The following FSTL5 variants were observed in gnomAD, a reference collection of about 807,000 sequenced individuals.
FSTL5 encodes the protein follistatin-related protein 5.
Under a neutral mutation model 89.1 loss-of-function variants are expected in FSTL5, and 62 were observed. The observed-to-expected ratio is 0.70, with a 90% CI of 0.57 to 0.86. The LOEUF (loss-of-function observed/expected upper bound fraction) is 0.86. Among genes scored for constraint, FSTL5 ranks in the 40% least tolerant of loss-of-function variants. FSTL5 has a pLI of 0.00. For synonymous variants in FSTL5, 383 were observed against 346.2 expected, an observed-to-expected ratio of 1.11 and a Z score of -1.18; for missense variants, 1,057 against 1,001.6, an observed-to-expected ratio of 1.06 and a Z score of -0.75.
intron 7 of FSTL5, among the ~76,000 whole-genome samples, chr4:161,643,914 C>T (rs959417639): frequency 7.2e-5 from 11 of 152,216 alleles, no homozygotes; most frequent in East Asian, 1.9e-4. Context: ...ACCACCATTA[C>T]GTGACTTGTT....
At chr4:161,542,202 T>G (rs1731841197) in intron 9 of FSTL5, among the ~76,000 whole-genome samples, 1 of 151,990 alleles carries the variant, frequency 6.6e-6, no homozygotes, top group Non-Finnish European at 1.5e-5. Context: ...ACTTCAGAAA[T>G]GAATTTCTAT....
At position 162,160,052 on chromosome 4, in the gene FSTL5, T is replaced by C. The variant is rs147260332; in HGVS notation, c.-17+3563A>G. Among the ~76,000 whole-genome samples the C allele has an allele frequency of 2.5e-3, 317 of 127,122 alleles. 1 individual carries two copies. The highest frequency in any genetic ancestry group is 8.9e-3 in the African/African-American group (307 of 34,382). 83.4% of individuals were successfully genotyped at this position (127,122 alleles called of 152,430 possible). A position where few individuals can be genotyped will look rare whatever the true frequency, so the allele number is the denominator to read the frequency against. On this transcript the variant is annotated intron_variant, in intron 1 of 15. Coordinates refer to ENST00000306100, the MANE Select transcript of FSTL5 (RefSeq NM_020116.5). ...TCTTTAACTTGCATGTTCTAGGCCA[T>C]GCCCTTGCATGTTTATTCTAGAGTA...
chr4:161,410,093 C>T (rs1481061892), intron 15 of FSTL5, among the ~76,000 whole-genome samples: 1 of 152,094 alleles, frequency 6.6e-6, no homozygotes, highest in African/African-American at 2.4e-5. Flanking sequence ...GTTCTTATAT[C>T]AGATAAAACA....
At chr4:161,572,885 GA>G (rs1733069990) in intron 8 of FSTL5, among the ~76,000 whole-genome samples, 1 of 151,974 alleles carries the variant, frequency 6.6e-6, no homozygotes, top group Admixed American at 6.6e-5. Context: ...AATAAAGTAA[GA>G]AAAAACATAG....
At chr4:162,088,870 G>C (rs371580845) in intron 2 of FSTL5, among the ~76,000 whole-genome samples, 18 of 152,166 alleles carry the variant, frequency 1.2e-4, no homozygotes, top group African/African-American at 4.1e-4. Context: ...TATAAGTGGG[G>C]TGTCAATGCA....
rs897130400 is a variant in FSTL5 at position 161,969,238 on chromosome 4, C to T, written c.161-48586G>A. On this transcript the variant is annotated intron_variant, in intron 3 of 15. Transcript: ENST00000306100. ...ATGATCTACTAAGTATAGACAAGTA[C>T]GTTTAATTCATACTGTCTCCATTAC... Among the ~76,000 whole-genome samples, 12 of 152,008 alleles carry T rather than the reference C, an allele frequency of 7.9e-5. 1 individual carries two copies. Among genetic ancestry groups the T allele is most frequent in the South Asian group, 2.1e-4 (1 of 4,814 alleles).
At chr4:161,507,320 A>G (rs1002946086) in intron 11 of FSTL5, among the ~76,000 whole-genome samples, 3 of 151,910 alleles carry the variant, frequency 2.0e-5, no homozygotes, top group Non-Finnish European at 2.9e-5. Context: ...ATATTTAATT[A>G]TACGTATCAT....
intron 9 of FSTL5, among the ~76,000 whole-genome samples, chr4:161,541,690 A>G (rs1415683608): frequency 6.6e-6 from 1 of 152,066 alleles, no homozygotes; most frequent in Non-Finnish European, 1.5e-5. Context: ...ATAGAACTCT[A>G]TGTAATAAAG....
At chr4:161,659,174 T>C (rs778837067) in intron 6 of FSTL5, among the ~76,000 whole-genome samples, 1 of 152,182 alleles carries the variant, frequency 6.6e-6, no homozygotes, top group Non-Finnish European at 1.5e-5. Flanking sequence ...AAAACTTACT[T>C]TTTCATGTTA....
At chr4:161,388,784 C>T (rs961170527) in intron 15 of FSTL5, among the ~76,000 whole-genome samples, 4 of 151,988 alleles carry the variant, frequency 2.6e-5, no homozygotes, top group African/African-American at 9.7e-5. Context: ...CTTCTAGTCC[C>T]TTTAGGCTAG....
chr4:162,084,011 G>GA lies in FSTL5; in HGVS notation c.126+27259dup, dbSNP rs559545762. On this transcript the variant is annotated intron_variant, in intron 2 of 15. Transcript: ENST00000306100. ...ACATTATCTCAATGTGTATTTGTGGGAAAAAAAGAATATCAAATAGGCAGA... is the reference window on the plus strand; with the variant it reads ...ACATTATCTCAATGTGTATTTGTGGGAAAAAAAAGAATATCAAATAGGCAGA... 1.9e-3 allele frequency among the ~76,000 whole-genome samples: 290 copies of GA among 151,666 alleles called. 2 individuals carry two copies. The highest frequency in any genetic ancestry group is 7.2e-3 in the East Asian group (37 of 5,168).
chr4:161,516,538 CA>C (rs1730837760), intron 10 of FSTL5, among the ~76,000 whole-genome samples: 1 of 144,516 alleles, frequency 6.9e-6, no homozygotes, highest in Admixed American at 7.0e-5. Context: ...AATATATTTA[CA>C]TATAGTAAAT....
intron 2 of FSTL5, among the ~76,000 whole-genome samples, chr4:162,062,275 T>C (rs1429523286): frequency 6.6e-6 from 1 of 151,944 alleles, no homozygotes; most frequent in Non-Finnish European, 1.5e-5. Flanking sequence ...TAAATAGCAG[T>C]TGAATAGTGT....
intron 6 of FSTL5, among the ~76,000 whole-genome samples, chr4:161,690,626 A>T (rs1439009342): frequency 6.6e-6 from 1 of 152,096 alleles, no homozygotes; most frequent in African/African-American, 2.4e-5. Flanking sequence ...TCTTAATAAC[A>T]TTGGATCATT....
intron 4 of FSTL5, among the ~76,000 whole-genome samples, chr4:161,847,726 C>G (rs1731412961): frequency 6.6e-6 from 1 of 151,988 alleles, no homozygotes; most frequent in South Asian, 2.1e-4. Context: ...ATATTAAAAT[C>G]ACTCCCTAGT....
chr4:162,006,537 T>G (rs773372920), intron 3 of FSTL5, among the ~76,000 whole-genome samples: 1 of 151,948 alleles, frequency 6.6e-6, no homozygotes, highest in Non-Finnish European at 1.5e-5. Context: ...AAATTTGTCA[T>G]TAATGAAAAC....
intron 10 of FSTL5, among the ~76,000 whole-genome samples, chr4:161,515,797 A>G (rs1730802461): frequency 6.6e-6 from 1 of 151,434 alleles, no homozygotes; most frequent in African/African-American, 2.4e-5. Flanking sequence ...TATCAGTCAT[A>G]CAGGTGTATG....
Position 161,777,822 on chromosome 4 carries a change from A to G in FSTL5, c.410-1748T>C, listed in dbSNP as rs147030631. On this transcript the variant is annotated intron_variant, in intron 4 of 15. Transcript: ENST00000306100. ...TCAGAAGTAAATAACGGCCAGGTGC[A>G]GTGGCTCATGTCTGTAATCCCAGCA... 5.7e-3 allele frequency among the ~76,000 whole-genome samples: 870 copies of G among 152,244 alleles called. 6 individuals are homozygous for G. The highest frequency in any genetic ancestry group is 0.02 in the African/African-American group (833 of 41,550).
At chr4:161,501,992 T>G (rs1396867260) in intron 11 of FSTL5, among the ~76,000 whole-genome samples, 1 of 152,046 alleles carries the variant, frequency 6.6e-6, no homozygotes, top group Non-Finnish European at 1.5e-5. Context: ...TGTCTGATTT[T>G]CATTTGTGTC....
Sources: gnomAD v4.1 joint callset for allele counts (sites outside exome capture counted in the v4.1 genomes callset) on GRCh38, gnomAD v4.1.1 for gene constraint, MANE v1.5 for transcripts, NCBI Gene and HGNC (gene_info 2026-07-23, HGNC 2026-07-21) for gene names.